Variants in CLEC4A observed in about 807,000 individuals in gnomAD.
CLEC4A encodes C-type lectin domain family 4 member A.
Under a neutral mutation model 32.7 loss-of-function variants are expected in CLEC4A, and 27 were observed. The ratio of observed to expected loss-of-function variants is 0.83; its 90% confidence interval spans 0.61 to 1.14. The LOEUF is 1.14. Among genes scored for constraint, CLEC4A ranks in the 50% most tolerant of loss-of-function variants. The pLI is 0.00. For synonymous variants in CLEC4A, 89 were observed against 93.7 expected (o/e 0.95, Z 0.29); for missense variants, 253 against 274.6 (o/e 0.92, Z 0.55).
At chr12:8,116,256 C>T in the CLEC4A span, among the ~76,000 whole-genome samples, 5 of 152,062 alleles carry the variant, frequency 3.3e-5, no homozygotes, top group African/African-American at 1.2e-4. Context: ...GCCACCGCAC[C>T]CGGTCTAATT....
chr12:8,106,735 A>C, the CLEC4A span, among the ~76,000 whole-genome samples: 1 of 152,132 alleles, frequency 6.6e-6, no homozygotes, highest in Non-Finnish European at 1.5e-5. Context: ...TTCTATCTTG[A>C]AACTTTACTG....
the CLEC4A span, among the ~76,000 whole-genome samples, chr12:8,114,848 G>A: frequency 1.3e-5 from 2 of 152,068 alleles, no homozygotes; most frequent in East Asian, 1.9e-4. Flanking sequence ...GCTCATGAAG[G>A]TTACCTCAAG....
the CLEC4A span, among the ~76,000 whole-genome samples, chr12:8,113,705 C>A: frequency 6.6e-6 from 1 of 152,170 alleles, no homozygotes; most frequent in Non-Finnish European, 1.5e-5. Flanking sequence ...CGTCTCACCC[C>A]CTACCCAGGT....
intron 3 of CLEC4A, among the ~76,000 whole-genome samples, chr12:8,135,045 A>ATTTTTTTTTTTTTTTTTTTT (rs1565406500): frequency 1.0e-3 from 5 of 4,968 alleles, no homozygotes; most frequent in Non-Finnish European, 1.9e-3. Flanking sequence ...CAATTTTATT[A>ATTTTTTTTTTTTTTTTTTTT]TCTTTTTTTT....
chr12:8,113,447 T>C, the CLEC4A span, among the ~76,000 whole-genome samples: 1 of 152,182 alleles, frequency 6.6e-6, no homozygotes, highest in Non-Finnish European at 1.5e-5. Flanking sequence ...GTTTTTGTTT[T>C]AGTGTTGAGT....
At chr12:8,103,404 T>TTTTTTTTTTTTTTTTG in the CLEC4A span, among the ~76,000 whole-genome samples, 1 of 110,970 alleles carries the variant, frequency 9.0e-6, no homozygotes, top group Admixed American at 9.9e-5. Context: ...TTTTTTTTTT[T>TTTTTTTTTTTTTTTTG]TAGACGGAGT....
intron 2 of CLEC4A, among the ~76,000 whole-genome samples, chr12:8,128,666 G>A (rs1484879678): frequency 6.6e-6 from 1 of 152,118 alleles, no homozygotes; most frequent in Non-Finnish European, 1.5e-5. Flanking sequence ...CAAAGTGCTG[G>A]GATTACAGGC....
At chr12:8,111,073 C>T in the CLEC4A span, among the ~76,000 whole-genome samples, 18 of 151,792 alleles carry the variant, frequency 1.2e-4, no homozygotes, top group African/African-American at 4.4e-4. Context: ...TGGGGTTTCA[C>T]TGTGTTAGCC....
the CLEC4A span, among the ~76,000 whole-genome samples, chr12:8,107,084 G>A: frequency 2.0e-5 from 3 of 152,160 alleles, no homozygotes; most frequent in Non-Finnish European, 4.4e-5. Flanking sequence ...TTAACATGAA[G>A]AGATGTTGAA....
the CLEC4A span, among the ~76,000 whole-genome samples, chr12:8,112,571 T>A: frequency 3.3e-5 from 5 of 152,214 alleles, no homozygotes; most frequent in South Asian, 1.0e-3. Context: ...TTTCATATAT[T>A]TATTTACTAT....
upstream of CLEC4A, among the ~76,000 whole-genome samples, chr12:8,120,106 TAC>T (rs1176563416): frequency 1.3e-5 from 2 of 152,200 alleles, no homozygotes; most frequent in Non-Finnish European, 2.9e-5. Flanking sequence ...TGTGTGATAA[TAC>T]ACAGAGTATT....
chr12:8,134,990 TTTTTTAATCATGGCTGC>T, intron 3 of CLEC4A: 1 of 274,238 alleles, frequency 3.6e-6, no homozygotes, highest in South Asian at 1.5e-4. Context: ...TTTTTTGTTT[TTTTTTAATCATGGCTGC>T]TTTTAAATCT....
At chr12:8,122,924 C>A (rs1947846484), upstream of CLEC4A, among the ~76,000 whole-genome samples, 1 of 151,928 alleles carries the variant, frequency 6.6e-6, no homozygotes, top group African/African-American at 2.4e-5. Context: ...GCAGAGAATC[C>A]AGGTGTGAGC....
At chr12:8,137,454 T>C (rs1167057933) in intron 5 of CLEC4A, among the ~76,000 whole-genome samples, 1 of 152,180 alleles carries the variant, frequency 6.6e-6, no homozygotes, top group Non-Finnish European at 1.5e-5. Context: ...AGGCTGAAGA[T>C]GTAATGCTTC....
At chr12:8,116,575 G>C in the CLEC4A span, among the ~76,000 whole-genome samples, 1 of 152,176 alleles carries the variant, frequency 6.6e-6, no homozygotes, top group African/African-American at 2.4e-5. Context: ...AATATAATAG[G>C]AATTGCTTAT....
the CLEC4A span, among the ~76,000 whole-genome samples, chr12:8,118,593 G>A: frequency 2.0e-5 from 3 of 152,172 alleles, no homozygotes; most frequent in African/African-American, 7.2e-5. Context: ...AGAGAGGGGT[G>A]AGGTGCCACA....
chr12:8,134,297 CG>C, intron 3 of CLEC4A: 1 of 1,612,082 alleles, frequency 6.2e-7, no homozygotes, highest in Non-Finnish European at 8.5e-7. Flanking sequence ...AGCCTCAAAG[CG>C]GCAGATGGTC....
intron 1 of CLEC4A, 137 bp downstream of exon 1, chr12:8,124,097 T>C (rs1947863029): frequency 6.2e-6 from 4 of 650,312 alleles, no homozygotes; most frequent in Admixed American, 2.5e-5. Flanking sequence ...TCCCAGAAGA[T>C]TGAGTGGCCT....
At chr12:8,128,191 A>C (rs1204122693) in intron 2 of CLEC4A, among the ~76,000 whole-genome samples, 1 of 152,162 alleles carries the variant, frequency 6.6e-6, no homozygotes, top group African/African-American at 2.4e-5. Flanking sequence ...CAAGAAAGGT[A>C]AGACAAAAAC....
Sources: allele counts gnomAD v4.1 joint callset (sites outside exome capture counted in the v4.1 genomes callset), GRCh38; gene constraint gnomAD v4.1.1; transcripts MANE v1.5; gene names NCBI Gene and HGNC (gene_info 2026-07-23, HGNC 2026-07-21).